The following LRRC20 variants were observed in gnomAD, a reference collection of about 807,000 sequenced individuals.
LRRC20 encodes the protein leucine-rich repeat-containing protein 20.
A neutral mutation model predicts 14.4 loss-of-function variants in LRRC20; 11 were observed. The ratio of observed to expected loss-of-function variants is 0.77; its 90% confidence interval spans 0.48 to 1.27. LRRC20 has a LOEUF of 1.27. LRRC20 is among the 50% of genes most tolerant of loss of function. The pLI is 0.00. For synonymous variants in LRRC20, 121 were observed against 107.3 expected (o/e 1.13, Z -0.79); for missense variants, 219 against 251.2 (o/e 0.87, Z 0.87).
rs145492724 is a variant in LRRC20 at position 70,375,293 on chromosome 10, G to C, written c.82+1159C>G. On this transcript the variant is annotated intron_variant, in intron 2 of 4. Coordinates refer to ENST00000446961, the MANE Select transcript of LRRC20 (RefSeq NM_001278212.2). ...ACGTTTACAAAGTGCCTGACACTGCGCTGGGCTCTGGGGCAGGGCAGGGGG... is the reference window on the plus strand; with the variant it reads ...ACGTTTACAAAGTGCCTGACACTGCCCTGGGCTCTGGGGCAGGGCAGGGGG... 2.0e-5 allele frequency among the ~76,000 whole-genome samples: 3 copies of C among 152,182 alleles called. No homozygotes were observed. In the South Asian group the frequency reaches 6.2e-4, roughly 32 times the overall value.
intron 4 of LRRC20, among the ~76,000 whole-genome samples, chr10:70,304,624 A>T (rs1841349728): frequency 1.3e-5 from 2 of 151,796 alleles, no homozygotes; most frequent in Non-Finnish European, 2.9e-5. Flanking sequence ...AGCAGCATGG[A>T]CACATTCACA....
chr10:70,323,246 G>C (rs1281982181), intron 4 of LRRC20, among the ~76,000 whole-genome samples: 3 of 152,038 alleles, frequency 2.0e-5, no homozygotes, highest in Admixed American at 6.5e-5. Context: ...CTGAGGTCCT[G>C]ATGAGACAGG....
intron 2 of LRRC20, among the ~76,000 whole-genome samples, chr10:70,348,051 C>CT (rs1213689157): frequency 1.3e-5 from 2 of 152,144 alleles, no homozygotes; most frequent in African/African-American, 4.8e-5. Context: ...TTACCTATGA[C>CT]TTTTTTGTGT....
At chr10:70,327,372 C>T (rs187825082) in intron 3 of LRRC20, among the ~76,000 whole-genome samples, 4 of 151,900 alleles carry the variant, frequency 2.6e-5, no homozygotes, top group African/African-American at 7.2e-5. Flanking sequence ...ATCAAGAGTT[C>T]GAGACCAGCC....
intron 4 of LRRC20, among the ~76,000 whole-genome samples, chr10:70,305,010 C>A (rs1350204943): frequency 6.6e-6 from 1 of 152,136 alleles, no homozygotes; most frequent in Non-Finnish European, 1.5e-5. Flanking sequence ...CACAGTGAAA[C>A]CCTGTCTCTA....
In LRRC20 at chr10:70,363,645, G is replaced by C. The variant is rs531777195; in HGVS notation, c.82+12807C>G. ...AGAATTATCCAGCTCAAAAACCAAA[G>C]GTGTCAAGACAGAGAAGTGCCCACC... On this transcript the variant is annotated intron_variant, in intron 2 of 4. Transcript: ENST00000446961. Among the ~76,000 whole-genome samples the C allele has an allele frequency of 7.9e-5, 12 of 152,310 alleles. No individual in the cohort carries two copies. In the East Asian group the frequency reaches 2.3e-3, roughly 29 times the overall value.
chr10:70,306,514 C>T lies in LRRC20; in HGVS notation c.401-5006G>A, dbSNP rs34343197. Among the ~76,000 whole-genome samples the T allele has an allele frequency of 8.8e-3, 1,347 of 152,246 alleles. 9 individuals carry two copies. Among genetic ancestry groups the T allele is most frequent in the Non-Finnish European group, 0.012 (786 of 68,010 alleles). On this transcript the variant is annotated intron_variant, in intron 4 of 4. Coordinates refer to ENST00000446961, the MANE Select transcript of LRRC20 (RefSeq NM_001278212.2). The stretch of plus-strand genomic sequence containing the variant: ...GTCTGGTGTTTCTTCACGATTCAAC[C>T]GAGACTTCGCATCCTCAGCTGAAGA...
At chr10:70,372,834 G>A (rs1481594164) in intron 2 of LRRC20, among the ~76,000 whole-genome samples, 5 of 152,106 alleles carry the variant, frequency 3.3e-5, no homozygotes, top group African/African-American at 1.2e-4. Context: ...CGGGTGTGGT[G>A]GCTCATGCCT....
Position 70,300,331 on chromosome 10 carries a change from G to T in LRRC20, c.*1023C>A. ...CATGTCCTGGGAAACCAGGACAGCT[G>T]GTCACCCTGTTGCCTGACCATACCC... On this transcript the variant is annotated 3_prime_UTR_variant, in exon 5 of 5. Coordinates refer to ENST00000446961, the MANE Select transcript of LRRC20 (RefSeq NM_001278212.2). 1.0e-6 allele frequency: 1 copy of T among 979,758 alleles called. No homozygotes were observed. Among genetic ancestry groups the T allele is most frequent in the Non-Finnish European group, 1.2e-6 (1 of 824,720 alleles). The allele number at this position is 979,758 out of a possible 1,614,324, so 60.7% of individuals were successfully genotyped here.
chr10:70,363,845 C>CG (rs58612233), intron 2 of LRRC20, among the ~76,000 whole-genome samples: 1 of 152,020 alleles, frequency 6.6e-6, no homozygotes, highest in African/African-American at 2.4e-5. Flanking sequence ...AGTCAACCCC[C>CG]AACACAGCAC....
Position 70,300,782 on chromosome 10 carries a change from T to C in LRRC20, c.*572A>G. 1 of 985,672 alleles carries C rather than the reference T, an allele frequency of 1.0e-6. No homozygotes were observed. Among genetic ancestry groups the C allele is most frequent in the African/African-American group, 1.7e-5 (1 of 57,348 alleles). The allele number at this position is 985,672 out of a possible 1,614,324, so 61.1% of individuals were successfully genotyped here. A position where few individuals can be genotyped will look rare whatever the true frequency, so the allele number is the denominator to read the frequency against. On this transcript the variant is annotated 3_prime_UTR_variant, in exon 5 of 5. Transcript: ENST00000446961. ...ATTCCCACCACAGCTCTCCCAGGAC[T>C]CCTAGTTCAGGTTCCCACCAGTCCA...
chr10:70,348,341 G>A (rs1003586022), intron 2 of LRRC20, among the ~76,000 whole-genome samples: 6 of 152,268 alleles, frequency 3.9e-5, no homozygotes, highest in South Asian at 2.1e-4. Context: ...CCATGGTCCC[G>A]GGACAAGAAA....
chr10:70,346,962 T>C (rs1055078038), intron 2 of LRRC20, among the ~76,000 whole-genome samples: 3 of 152,204 alleles, frequency 2.0e-5, no homozygotes, highest in Non-Finnish European at 4.4e-5. Context: ...CTCGGCTCAC[T>C]GCTACCTTCA....
chr10:70,377,474 G>A (rs772655023), intron 1 of LRRC20, among the ~76,000 whole-genome samples: 25 of 152,104 alleles, frequency 1.6e-4, no homozygotes, highest in African/African-American at 5.1e-4. Flanking sequence ...GTGAGTAAGC[G>A]GCAAGAATAG....
At chr10:70,333,253 C>A (rs1196477201) in intron 3 of LRRC20, among the ~76,000 whole-genome samples, 1 of 152,156 alleles carries the variant, frequency 6.6e-6, no homozygotes, top group Non-Finnish European at 1.5e-5. Flanking sequence ...TACCCTCCTC[C>A]CCCAACACAC....
chr10:70,316,858 C>G (rs576068376), intron 4 of LRRC20, among the ~76,000 whole-genome samples: 1 of 152,378 alleles, frequency 6.6e-6, no homozygotes, highest in African/African-American at 2.4e-5. Flanking sequence ...GAGCACAACT[C>G]AGAGCTCTGC....
intron 2 of LRRC20, among the ~76,000 whole-genome samples, chr10:70,349,617 C>A (rs1843217359): frequency 6.6e-6 from 1 of 152,168 alleles, no homozygotes; most frequent in Non-Finnish European, 1.5e-5. Context: ...CAGCTAACAG[C>A]ACTGAGTATT....
At chr10:70,354,016 G>A (rs1487974109) in intron 2 of LRRC20, among the ~76,000 whole-genome samples, 1 of 152,162 alleles carries the variant, frequency 6.6e-6, no homozygotes, top group Non-Finnish European at 1.5e-5. Context: ...TACTGTCTGT[G>A]GGACCTTGGG....
intron 4 of LRRC20, among the ~76,000 whole-genome samples, chr10:70,304,662 G>T (rs1212620135): frequency 6.6e-6 from 1 of 151,502 alleles, no homozygotes. Context: ...TCCAGAACTC[G>T]ATCTTGCAAA....
Sources: gnomAD v4.1 joint callset for allele counts (sites outside exome capture counted in the v4.1 genomes callset) on GRCh38, gnomAD v4.1.1 for gene constraint, MANE v1.5 for transcripts, NCBI Gene and HGNC (gene_info 2026-07-23, HGNC 2026-07-21) for gene names.